Variants in NKAIN3 observed in about 807,000 individuals in gnomAD.
NKAIN3 encodes the protein sodium/potassium transporting ATPase interacting 3.
Under a neutral mutation model 30.2 loss-of-function variants are expected in NKAIN3, and 25 were observed. The observed-to-expected ratio is 0.83, with a 90% CI of 0.60 to 1.16. The LOEUF (loss-of-function observed/expected upper bound fraction) is 1.16. Ranked by LOEUF, NKAIN3 falls within the 50% of genes most tolerant of loss-of-function variation. The probability of loss-of-function intolerance (pLI) is 0.00; values close to 1 mark genes in which losing one functional copy is unlikely to be tolerated. For missense variants in NKAIN3, 225 were observed against 254.1 expected, an observed-to-expected ratio of 0.89 and a Z score of 0.78; for synonymous variants, 91 against 89.6, an observed-to-expected ratio of 1.02 and a Z score of -0.09.
rs545192924 is a variant in NKAIN3, at chr8:62,520,454, G to T, written c.55-59085G>T. Among the ~76,000 whole-genome samples, 13 of 152,034 alleles carry T rather than the reference G, an allele frequency of 8.6e-5. No individual in the cohort carries two copies. The South Asian group carries it at 2.5e-3, about 29-fold the overall frequency. On this transcript the variant is annotated intron_variant, in intron 1 of 6. Coordinates refer to ENST00000623646, the MANE Select transcript of NKAIN3 (RefSeq NM_001304533.3). Reference sequence around the variant, plus strand: ...CTTCCATAGGTAATCAATAAAAAAAGATTAATAACATAAATTCTTCTTGTC... The same window carrying T: ...CTTCCATAGGTAATCAATAAAAAAATATTAATAACATAAATTCTTCTTGTC...
At chr8:62,888,112 G>GA (rs1303602700) in intron 4 of NKAIN3, among the ~76,000 whole-genome samples, 1 of 152,134 alleles carries the variant, frequency 6.6e-6, no homozygotes, top group African/African-American at 2.4e-5. Context: ...ATAAGTCTTA[G>GA]TTTTTTGCTC....
chr8:62,383,083 G>A (rs982706443), intron 1 of NKAIN3, among the ~76,000 whole-genome samples: 9 of 152,038 alleles, frequency 5.9e-5, no homozygotes, highest in Non-Finnish European at 1.5e-5. Context: ...CATTGTGTTT[G>A]GGGGGAAGTA....
At chr8:62,276,800 G>C (rs1415856355) in intron 1 of NKAIN3, among the ~76,000 whole-genome samples, 1 of 152,080 alleles carries the variant, frequency 6.6e-6, no homozygotes, top group African/African-American at 2.4e-5. Flanking sequence ...TTTTTTGGTA[G>C]GAATAGTTTT....
At chr8:62,732,256 G>C (rs1815493147) in intron 3 of NKAIN3, among the ~76,000 whole-genome samples, 1 of 151,810 alleles carries the variant, frequency 6.6e-6, no homozygotes, top group Admixed American at 6.6e-5. Flanking sequence ...TTTTCAAATT[G>C]ATTTGCATAG....
rs970767740 is a variant in NKAIN3 at position 62,554,220 on chromosome 8, A to G, written c.55-25319A>G. ...CTGTACATCACTACTGTTAAAAACA[A>G]CTGTAAACATCAGATTTTTATTTTT... is the stretch of plus-strand genomic sequence containing the variant. On this transcript the variant is annotated intron_variant, in intron 1 of 6. Coordinates refer to ENST00000623646, the MANE Select transcript of NKAIN3 (RefSeq NM_001304533.3). 1.1e-4 allele frequency among the ~76,000 whole-genome samples: 17 copies of G among 152,326 alleles called. No homozygotes were observed. The East Asian group carries it at 3.3e-3, about 29-fold the overall frequency.
At chr8:62,865,546 C>G (rs1378955929) in intron 4 of NKAIN3, among the ~76,000 whole-genome samples, 1 of 152,150 alleles carries the variant, frequency 6.6e-6, no homozygotes, top group Non-Finnish European at 1.5e-5. Context: ...GAAACAATAA[C>G]GTGTCTCTAA....
intron 1 of NKAIN3, among the ~76,000 whole-genome samples, chr8:62,320,269 G>T (rs974574647): frequency 4.6e-5 from 7 of 151,940 alleles, no homozygotes; most frequent in African/African-American, 1.7e-4. Context: ...GCACTGATGG[G>T]GCCTGACTCT....
intron 1 of NKAIN3, among the ~76,000 whole-genome samples, chr8:62,499,913 A>T (rs1312295039): frequency 1.3e-5 from 2 of 150,762 alleles, no homozygotes; most frequent in East Asian, 2.0e-4. Flanking sequence ...TAGTTCACCA[A>T]TTATGCTTTC....
At chr8:62,420,467 A>G (rs1304043720) in intron 1 of NKAIN3, among the ~76,000 whole-genome samples, 3 of 152,198 alleles carry the variant, frequency 2.0e-5, no homozygotes, top group Admixed American at 2.0e-4. Flanking sequence ...AATGAGTCCT[A>G]GGGTTCACCA....
At chr8:62,866,268 A>T (rs1820411454) in intron 4 of NKAIN3, among the ~76,000 whole-genome samples, 1 of 152,210 alleles carries the variant, frequency 6.6e-6, no homozygotes, top group Non-Finnish European at 1.5e-5. Context: ...AAGCATGATC[A>T]TGCTTGTCTA....
chr8:62,329,330 A>G (rs1185540148), intron 1 of NKAIN3, among the ~76,000 whole-genome samples: 1 of 152,070 alleles, frequency 6.6e-6, no homozygotes, highest in Non-Finnish European at 1.5e-5. Context: ...ATGCATGAAC[A>G]AGTCTTTTCT....
intron 3 of NKAIN3, among the ~76,000 whole-genome samples, chr8:62,657,706 C>T (rs527273970): frequency 1.3e-5 from 2 of 152,206 alleles, no homozygotes; most frequent in South Asian, 4.1e-4. Flanking sequence ...ATCGATGGTG[C>T]CAACTATTGG....
At chr8:62,290,585 G>A (rs879107254) in intron 1 of NKAIN3, among the ~76,000 whole-genome samples, 2 of 152,204 alleles carry the variant, frequency 1.3e-5, no homozygotes, top group South Asian at 4.1e-4. Context: ...TCCCAGGGAT[G>A]AGACCAACTT....
intron 1 of NKAIN3, among the ~76,000 whole-genome samples, chr8:62,455,935 CTA>C (rs1805805992): frequency 6.6e-6 from 1 of 152,110 alleles, no homozygotes; most frequent in Non-Finnish European, 1.5e-5. Context: ...CCTGTGTATA[CTA>C]TGTTTTTCCT....
chr8:62,669,801 A>G (rs950789306), intron 3 of NKAIN3, among the ~76,000 whole-genome samples: 8 of 152,304 alleles, frequency 5.3e-5, no homozygotes, highest in African/African-American at 1.9e-4. Context: ...GCATGAGTGC[A>G]TTACATTTAC....
intron 4 of NKAIN3, among the ~76,000 whole-genome samples, chr8:62,817,119 G>A (rs1818708713): frequency 6.6e-6 from 1 of 152,110 alleles, no homozygotes. Context: ...CTTATTTGCT[G>A]AATTCCAGTG....
intron 5 of NKAIN3, among the ~76,000 whole-genome samples, chr8:62,942,247 C>CATATATATATACACATATATATACAT (rs1563638452): frequency 2.8e-4 from 40 of 141,764 alleles, no homozygotes; most frequent in Middle Eastern, 3.7e-3. Flanking sequence ...CATATATATA[C>CATATATATATACACATATATATACAT]ATATATATAT....
At chr8:62,587,876 T>C (rs969612219) in intron 2 of NKAIN3, among the ~76,000 whole-genome samples, 5 of 152,024 alleles carry the variant, frequency 3.3e-5, no homozygotes, top group African/African-American at 9.7e-5. Flanking sequence ...TGAGAGATCC[T>C]GAATATACTT....
At chr8:62,393,694 G>C in intron 1 of NKAIN3, among the ~76,000 whole-genome samples, 1 of 151,806 alleles carries the variant, frequency 6.6e-6, no homozygotes, top group East Asian at 1.9e-4. Context: ...TGGAAGAATT[G>C]ACCTCTTAAA....
Sources: allele counts gnomAD v4.1 joint callset (sites outside exome capture counted in the v4.1 genomes callset), GRCh38; gene constraint gnomAD v4.1.1; transcripts MANE v1.5; gene names NCBI Gene and HGNC (gene_info 2026-07-23, HGNC 2026-07-21).